Variants in PTTG1IP observed in about 807,000 individuals in gnomAD.
PTTG1IP encodes the protein PTTG1 interacting protein.
Under a neutral mutation model 24.4 loss-of-function variants are expected in PTTG1IP, and 16 were observed. That is an observed-to-expected ratio of 0.66 (90% CI 0.44 to 1.00). The LOEUF is 1.00. PTTG1IP is among the 50% of genes least tolerant of loss of function. PTTG1IP has a pLI of 0.00. For synonymous variants in PTTG1IP, 89 were observed against 96.8 expected (o/e 0.92, Z 0.47); for missense variants, 241 against 245.8 (o/e 0.98, Z 0.13).
intron 2 of PTTG1IP, among the ~76,000 whole-genome samples, chr21:44,864,814 C>T (rs932384902): frequency 1.3e-5 from 2 of 152,224 alleles, no homozygotes; most frequent in Non-Finnish European, 2.9e-5. Flanking sequence ...CGGGGAGTCT[C>T]GGGCCCCACC....
At chr21:44,853,400 C>T (rs957699527) in intron 5 of PTTG1IP, among the ~76,000 whole-genome samples, 1 of 151,206 alleles carries the variant, frequency 6.6e-6, no homozygotes, top group Non-Finnish European at 1.5e-5. Flanking sequence ...CCCAGCTACT[C>T]AGGAGGCTGA....
At chr21:44,860,384 A>C (rs770584984) in intron 3 of PTTG1IP, among the ~76,000 whole-genome samples, 2 of 152,120 alleles carry the variant, frequency 1.3e-5, no homozygotes, top group Non-Finnish European at 2.9e-5. Context: ...GGCAAACTAG[A>C]AAACAACTTG....
intron 2 of PTTG1IP, chr21:44,861,604 C>T (rs1281660146): frequency 9.1e-6 from 6 of 657,572 alleles, no homozygotes; most frequent in South Asian, 1.7e-5. Flanking sequence ...TCAGCCTCAG[C>T]TCAGCCTGCC....
chr21:44,852,696 A>G (rs1362152533), intron 5 of PTTG1IP, among the ~76,000 whole-genome samples: 6 of 152,170 alleles, frequency 3.9e-5, no homozygotes, highest in African/African-American at 1.4e-4. Context: ...GTTTTGGGAA[A>G]GAGTCATCAG....
At chr21:44,867,464 C>T (rs1231723110) in intron 1 of PTTG1IP, among the ~76,000 whole-genome samples, 3 of 152,100 alleles carry the variant, frequency 2.0e-5, no homozygotes, top group Admixed American at 6.5e-5. Flanking sequence ...TCTTCCAGAT[C>T]GAGGGTCTGT....
At chr21:44,858,546 C>T (rs532491507) in intron 3 of PTTG1IP, among the ~76,000 whole-genome samples, 39 of 152,292 alleles carry the variant, frequency 2.6e-4, no homozygotes, top group Admixed American at 1.8e-3. Flanking sequence ...ACAAGCCCAT[C>T]GCACCCCACC....
At chr21:44,859,883 C>G (rs1260281304) in intron 3 of PTTG1IP, among the ~76,000 whole-genome samples, 1 of 152,080 alleles carries the variant, frequency 6.6e-6, no homozygotes, top group Non-Finnish European at 1.5e-5. Context: ...GTAAGTAAGA[C>G]GTAAGTTGCA....
At chr21:44,871,894 C>T (rs34037159) in intron 1 of PTTG1IP, among the ~76,000 whole-genome samples, 15,783 of 152,236 alleles carry the variant, frequency 0.1, 1,265 homozygotes, top group East Asian at 0.35. Context: ...CAAGCAAGTG[C>T]AGCCTCCAAG....
At position 44,851,783 on chromosome 21, in the gene PTTG1IP, G is replaced by C. The variant is rs147324471; in HGVS notation, c.497-156C>G. On this transcript the variant is annotated intron_variant, in intron 5 of 5. Transcript: ENST00000330938. ...TCTCATACAGTGCTTAACCTTTTTT[G>C]AAGTCAAACCACTTTAAACTTTAAA... Among the ~76,000 whole-genome samples the C allele has an allele frequency of 9.1e-3, 1,379 of 152,246 alleles. 17 individuals carry two copies. Among genetic ancestry groups the C allele is most frequent in the African/African-American group, 0.031 (1,291 of 41,536 alleles).
chr21:44,855,250 T>C lies in PTTG1IP; in HGVS notation c.456A>G (p.Ala152=), dbSNP rs762829722. Reference sequence around the variant, plus strand: ...TTTCATCATGTCTTGTCTTCATCTCTGCTCTCCTAAAACACAGAGGAACAT... The same window carrying C: ...TTTCATCATGTCTTGTCTTCATCTCCGCTCTCCTAAAACACAGAGGAACAT... ...ERRIRQEERR[A]EMKTRHDEIR... Residue 152 remains alanine, a synonymous_variant, in exon 5 of 6, where the codon GCA becomes GCG. Coordinates refer to ENST00000330938, the MANE Select transcript of PTTG1IP (RefSeq NM_004339.4). 1 of 1,611,824 alleles carries C rather than the reference T, an allele frequency of 6.2e-7. No individual in the cohort carries two copies. Among genetic ancestry groups the C allele is most frequent in the East Asian group, 2.2e-5 (1 of 44,858 alleles).
Position 44,865,603 on chromosome 21 carries a change from A to G in PTTG1IP, c.116-156T>C, listed in dbSNP as rs926820483. The G allele has an allele frequency of 2.6e-5, 19 of 718,320 alleles. No individual in the cohort carries two copies. In the African/African-American group the frequency reaches 3.1e-4, roughly 12 times the overall value. 44.5% of individuals were successfully genotyped at this position (718,320 alleles called of 1,614,324 possible). A position where few individuals can be genotyped will look rare whatever the true frequency, so the allele number is the denominator to read the frequency against. On this transcript the variant is annotated intron_variant, in intron 1 of 5. Coordinates refer to ENST00000330938, the MANE Select transcript of PTTG1IP (RefSeq NM_004339.4). ...AGGTCCTCTTCCTGAGCCCCTGCTG[A>G]TAACAAGCCTTCTTCAAGACATGTG...
intron 3 of PTTG1IP, among the ~76,000 whole-genome samples, chr21:44,858,736 G>A (rs1051354285): frequency 2.6e-5 from 4 of 152,178 alleles, no homozygotes; most frequent in African/African-American, 9.7e-5. Flanking sequence ...CATTTCACAA[G>A]AGAATTGTCA....
chr21:44,866,297 AAC>A (rs35998215), intron 1 of PTTG1IP, among the ~76,000 whole-genome samples: 2,564 of 99,192 alleles, frequency 0.026, 112 homozygotes, highest in East Asian at 0.15. Context: ...CCAATCCCGT[AAC>A]ACACACACAG....
chr21:44,863,558 G>A (rs2083511296), intron 2 of PTTG1IP, among the ~76,000 whole-genome samples: 1 of 152,250 alleles, frequency 6.6e-6, no homozygotes, highest in Non-Finnish European at 1.5e-5. Context: ...TCATCCACGA[G>A]ATGGCTGTCA....
intron 2 of PTTG1IP, chr21:44,862,080 G>A (rs1292780287): frequency 2.5e-5 from 11 of 434,800 alleles, no homozygotes; most frequent in South Asian, 4.9e-5. Flanking sequence ...CATCACACCC[G>A]TGTGTGTGTG....
chr21:44,854,669 A>G (rs551038247), intron 5 of PTTG1IP, among the ~76,000 whole-genome samples: 5 of 152,398 alleles, frequency 3.3e-5, no homozygotes, highest in African/African-American at 9.6e-5. Context: ...AAAGGTTTAC[A>G]CTTGGCAAAT....
At chr21:44,862,193 G>C (rs1434907815) in intron 2 of PTTG1IP, among the ~76,000 whole-genome samples, 1 of 152,350 alleles carries the variant, frequency 6.6e-6, no homozygotes, top group East Asian at 1.9e-4. Flanking sequence ...GGACAGCCTA[G>C]CACGCAGGCA....
intron 1 of PTTG1IP, chr21:44,873,036 G>GC (rs35466627): frequency 0.32 from 48,989 of 152,308 alleles, 11,166 homozygotes; most frequent in African/African-American, 0.65. Context: ...ACCGGCCGCG[G>GC]CCCCATCACC....
rs1485107726 is a variant in PTTG1IP, at chr21:44,856,332, C to T, written c.310G>A (p.Val104Ile). 7 of 1,614,010 alleles carry T rather than the reference C, an allele frequency of 4.3e-6. No individual in the cohort carries two copies. Among genetic ancestry groups the T allele is most frequent in the South Asian group, 1.1e-5 (1 of 91,062 alleles). Residue 104 changes from valine to isoleucine, a missense_variant, in exon 4 of 6, where the codon GTA becomes ATA. By Grantham distance (29) the Val-to-Ile change is conservative. Transcript: ENST00000330938. ...NFEALIITMS[V>I]VGGTLLLGIA... ...CCCAGGAGGAGGGTTCCCCCGACTA[C>T]CGACATGGTGATGATCAGCGCCTCA... is the stretch of plus-strand genomic sequence containing the variant.
Sources: allele counts gnomAD v4.1 joint callset (sites outside exome capture counted in the v4.1 genomes callset), GRCh38; gene constraint gnomAD v4.1.1; transcripts MANE v1.5; gene names NCBI Gene and HGNC (gene_info 2026-07-23, HGNC 2026-07-21).